SNX13: variants seen among roughly 807,000 people sequenced by gnomAD.
SNX13 encodes the protein sorting nexin 13.
Under a neutral mutation model 133.6 loss-of-function variants are expected in SNX13, and 45 were observed. That is an observed-to-expected ratio of 0.34 (90% CI 0.27 to 0.43). SNX13 has a LOEUF of 0.43. SNX13 is among the 20% of genes least tolerant of loss of function. The pLI is 1.00. For synonymous variants in SNX13, 414 were observed against 373.9 expected (o/e 1.11, Z -1.24); for missense variants, 1,032 against 1,145.1 (o/e 0.90, Z 1.43).
At chr7:17,862,171 G>A (rs1459362481) in intron 9 of SNX13, among the ~76,000 whole-genome samples, 2 of 152,068 alleles carry the variant, frequency 1.3e-5, no homozygotes, top group African/African-American at 4.8e-5. Context: ...AGAGACAGAG[G>A]GGAATAAAAA....
At chr7:17,819,859 A>G (rs559092129) in intron 18 of SNX13, among the ~76,000 whole-genome samples, 3 of 151,130 alleles carry the variant, frequency 2.0e-5, no homozygotes, top group South Asian at 2.1e-4. Context: ...TCACAACTTT[A>G]TAAGTTTTAT....
chr7:17,901,863 G>A (rs996157498), intron 1 of SNX13, among the ~76,000 whole-genome samples: 1 of 152,120 alleles, frequency 6.6e-6, no homozygotes, highest in African/African-American at 2.4e-5. Context: ...ACAATCAGTG[G>A]AGGCTTCTAT....
rs78012173 is a variant in SNX13, at chr7:17,930,913, G to A, written c.12+9371C>T. ...AGGATCTAGGTTGCATATTCCTTATGAGACTCTCATGCCTGATGATCTAAG... is the reference window on the plus strand; with the variant it reads ...AGGATCTAGGTTGCATATTCCTTATAAGACTCTCATGCCTGATGATCTAAG... On this transcript the variant is annotated intron_variant, in intron 1 of 25. Transcript: ENST00000428135. 2.4e-4 allele frequency among the ~76,000 whole-genome samples: 36 copies of A among 152,216 alleles called. No homozygotes were observed. In the East Asian group the frequency reaches 2.5e-3, roughly 11 times the overall value.
At chr7:17,873,477 T>C in intron 8 of SNX13, 51 bp downstream of exon 8, 1 of 1,309,812 alleles carries the variant, frequency 7.6e-7, no homozygotes, top group Non-Finnish European at 1.0e-6. Flanking sequence ...TTTTGAAAAC[T>C]ACTGCTCTAC....
intron 5 of SNX13, chr7:17,882,404 T>C (rs1795451483): frequency 6.6e-6 from 1 of 152,212 alleles, no homozygotes; most frequent in African/African-American, 2.4e-5. Context: ...ACAAAAACTT[T>C]TTATTTCATT....
At chr7:17,894,652 T>C (rs1341520770) in intron 2 of SNX13, among the ~76,000 whole-genome samples, 1 of 152,192 alleles carries the variant, frequency 6.6e-6, no homozygotes, top group African/African-American at 2.4e-5. Context: ...ATATTATCAA[T>C]ATTTCATAGA....
chr7:17,914,746 T>C (rs1301544385), intron 1 of SNX13, among the ~76,000 whole-genome samples: 4 of 152,030 alleles, frequency 2.6e-5, no homozygotes, highest in Admixed American at 2.0e-4. Context: ...GAAAACAAAA[T>C]AACAATACTT....
intron 10 of SNX13, 78 bp downstream of exon 10, chr7:17,850,748 T>A: frequency 8.6e-7 from 1 of 1,156,414 alleles, no homozygotes; most frequent in Non-Finnish European, 1.2e-6. Flanking sequence ...GAAAATGACA[T>A]TTAGGTAAAT....
chr7:17,808,244 G>A (rs897718392), intron 20 of SNX13, among the ~76,000 whole-genome samples: 10 of 152,140 alleles, frequency 6.6e-5, no homozygotes, highest in African/African-American at 2.2e-4. Flanking sequence ...AATAACCAAT[G>A]TAGAGAAGAT....
rs1188594221 is a variant in SNX13, at chr7:17,909,776, C to A, written c.13-12330G>T. On this transcript the variant is annotated intron_variant, in intron 1 of 25. Coordinates refer to ENST00000428135, the MANE Select transcript of SNX13 (RefSeq NM_015132.5). ...CAGCTAATGGTTGCTGGGCTTAATA[C>A]CCAGGTGATGGGATGATCTGTGCAG... Among the ~76,000 whole-genome samples the A allele has an allele frequency of 3.3e-5, 5 of 152,274 alleles. No homozygotes were observed. The East Asian group carries it at 5.8e-4, about 18-fold the overall frequency.
Position 17,877,035 on chromosome 7 carries a change from G to A in SNX13, c.441-1245C>T, listed in dbSNP as rs181458215. On this transcript the variant is annotated intron_variant, in intron 5 of 25. Coordinates refer to ENST00000428135, the MANE Select transcript of SNX13 (RefSeq NM_015132.5). ...TAGTGAAGATGCTGACTTAATTACT[G>A]TTACTTTTTGAAAAAAAAAAAAAAA... 3.9e-4 allele frequency among the ~76,000 whole-genome samples: 31 copies of A among 78,506 alleles called. No homozygotes were observed. In the Admixed American group the frequency reaches 6.3e-3, roughly 16 times the overall value. 51.5% of individuals were successfully genotyped at this position (78,506 alleles called of 152,430 possible).
intron 1 of SNX13, among the ~76,000 whole-genome samples, chr7:17,909,605 G>A (rs1798746847): frequency 6.6e-6 from 1 of 152,232 alleles, no homozygotes; most frequent in Non-Finnish European, 1.5e-5. Flanking sequence ...GCAAACTAAT[G>A]CAGGAACAAA....
intron 1 of SNX13, among the ~76,000 whole-genome samples, chr7:17,912,994 C>T (rs1278339616): frequency 6.6e-6 from 1 of 152,146 alleles, no homozygotes; most frequent in Non-Finnish European, 1.5e-5. Flanking sequence ...GACAGCTCTG[C>T]AACCTAAAAC....
intron 8 of SNX13, among the ~76,000 whole-genome samples, chr7:17,870,798 G>A (rs922349042): frequency 3.3e-5 from 5 of 152,206 alleles, no homozygotes; most frequent in Middle Eastern, 6.8e-3. Flanking sequence ...GGAGAAAGAG[G>A]TATCAAATTA....
At chr7:17,795,864 T>C (rs1783991431) in intron 25 of SNX13, 1 of 151,770 alleles carries the variant, frequency 6.6e-6, no homozygotes, top group African/African-American at 2.4e-5. Flanking sequence ...AATTTGCTTT[T>C]TTATCAGCAA....
At chr7:17,881,537 G>A in intron 5 of SNX13, 1 of 151,990 alleles carries the variant, frequency 6.6e-6, no homozygotes, top group East Asian at 1.9e-4. Flanking sequence ...GTAGATTTTT[G>A]ACAAGTAACT....
At chr7:17,814,173 G>C (rs1444312091) in intron 20 of SNX13, among the ~76,000 whole-genome samples, 6 of 152,026 alleles carry the variant, frequency 3.9e-5, no homozygotes, top group African/African-American at 1.4e-4. Flanking sequence ...ACAGAATATT[G>C]CATGATTCAC....
chr7:17,839,071 T>G (rs545117037), intron 13 of SNX13, among the ~76,000 whole-genome samples: 7 of 149,834 alleles, frequency 4.7e-5, no homozygotes, highest in African/African-American at 1.7e-4. Context: ...TTAGAATACA[T>G]GTATGCTATA....
Position 17,935,752 on chromosome 7 carries a change from C to T in SNX13, c.12+4532G>A, listed in dbSNP as rs545977435. On this transcript the variant is annotated intron_variant, in intron 1 of 25. Transcript: ENST00000428135. ...TTAGATACTGATGTCCTTCCACTCCCGTTATAAAATCCCTTTCCTACCTCT... is the reference window on the plus strand; with the variant it reads ...TTAGATACTGATGTCCTTCCACTCCTGTTATAAAATCCCTTTCCTACCTCT... Among the ~76,000 whole-genome samples, 82 of 152,264 alleles carry T rather than the reference C, an allele frequency of 5.4e-4. 1 individual carries two copies. Among genetic ancestry groups the T allele is most frequent in the Middle Eastern group, 3.4e-3 (1 of 294 alleles).
Sources: gnomAD v4.1 joint callset for allele counts (sites outside exome capture counted in the v4.1 genomes callset) on GRCh38, gnomAD v4.1.1 for gene constraint, MANE v1.5 for transcripts, NCBI Gene and HGNC (gene_info 2026-07-23, HGNC 2026-07-21) for gene names.